KCTD21: variants seen among roughly 807,000 people sequenced by gnomAD.
The protein encoded by KCTD21 is BTB/POZ domain-containing protein KCTD21.
In KCTD21, 9 loss-of-function variants were observed where a neutral mutation model predicts 13.2. That is an observed-to-expected ratio of 0.68 (90% CI 0.41 to 1.19). The LOEUF (loss-of-function observed/expected upper bound fraction) is 1.19. Among genes scored for constraint, KCTD21 ranks in the 50% most tolerant of loss-of-function variants. The pLI, the probability that KCTD21 is intolerant of heterozygous loss-of-function variation, is 0.01. For missense variants in KCTD21, 303 were observed against 336.5 expected (o/e 0.90, Z 0.78); for synonymous variants, 142 against 137.4 (o/e 1.03, Z -0.23).
Position 78,172,765 on chromosome 11 carries a change from C to T in KCTD21, c.*1007G>A, listed in dbSNP as rs1862313466. 6.6e-6 allele frequency: 1 copy of T among 152,484 alleles called. No homozygotes were observed. Among genetic ancestry groups the T allele is most frequent in the Non-Finnish European group, 1.5e-5 (1 of 68,042 alleles). 9.4% of individuals were successfully genotyped at this position (152,484 alleles called of 1,614,324 possible). On this transcript the variant is annotated 3_prime_UTR_variant, in exon 2 of 2. Coordinates refer to ENST00000340067, the MANE Select transcript of KCTD21 (RefSeq NM_001029859.3). ...CTGTCTAACAGTCAGCACTGTCCAACCACAGCAGGAGCTGCCTTGGGGATG... is the reference window on the plus strand; with the variant it reads ...CTGTCTAACAGTCAGCACTGTCCAATCACAGCAGGAGCTGCCTTGGGGATG...
At chr11:78,187,006 T>A in intron 1 of KCTD21, 1 of 985,458 alleles carries the variant, frequency 1.0e-6, no homozygotes, top group Non-Finnish European at 1.2e-6. Context: ...TCAAAACTTT[T>A]TAATTTTGAA....
intron 1 of KCTD21, among the ~76,000 whole-genome samples, chr11:78,183,017 A>G (rs912136101): frequency 2.0e-5 from 3 of 152,190 alleles, no homozygotes; most frequent in East Asian, 3.8e-4. Flanking sequence ...TCATCTATCT[A>G]TCAATCACCT....
rs1438445655 is a variant in KCTD21 at position 78,174,730 on chromosome 11, T to G, written c.-29-147A>C. ...GAATGGGTGATAATTGCTAACACTG[T>G]GCAAAGTACATTAGCTTCACTAGGG... On this transcript the variant is annotated intron_variant, in intron 1 of 1. Coordinates refer to ENST00000340067, the MANE Select transcript of KCTD21 (RefSeq NM_001029859.3). 4 of 590,000 alleles carry G rather than the reference T, an allele frequency of 6.8e-6. No homozygotes were observed. In the East Asian group the frequency reaches 8.5e-5, roughly 13 times the overall value. 36.5% of individuals were successfully genotyped at this position (590,000 alleles called of 1,614,324 possible).
rs1444956648 is a variant in KCTD21, at chr11:78,173,540, G to C, written c.*232C>G. 1 of 520,804 alleles carries C rather than the reference G, an allele frequency of 1.9e-6. No individual in the cohort carries two copies. The highest frequency in any genetic ancestry group is 1.9e-5 in the African/African-American group (1 of 52,532). 32.3% of individuals were successfully genotyped at this position (520,804 alleles called of 1,614,324 possible). ...GTACACATCAGCTGACTCTTCACTT[G>C]TCATAATAAACCGCCTGTCTGCAGC... On this transcript the variant is annotated 3_prime_UTR_variant, in exon 2 of 2. Coordinates refer to ENST00000340067, the MANE Select transcript of KCTD21 (RefSeq NM_001029859.3).
intron 1 of KCTD21, among the ~76,000 whole-genome samples, chr11:78,180,127 G>A (rs921640765): frequency 1.3e-5 from 2 of 152,150 alleles, no homozygotes; most frequent in East Asian, 3.8e-4. Context: ...GAAAATCTTT[G>A]CAACTGTGGA....
At chr11:78,184,870 T>C (rs1359158631) in intron 1 of KCTD21, among the ~76,000 whole-genome samples, 2 of 152,002 alleles carry the variant, frequency 1.3e-5, no homozygotes, top group Non-Finnish European at 2.9e-5. Flanking sequence ...CCCAAGTAGC[T>C]GGGACTACAG....
At chr11:78,180,293 A>G (rs1169970203) in intron 1 of KCTD21, among the ~76,000 whole-genome samples, 1 of 152,224 alleles carries the variant, frequency 6.6e-6, no homozygotes, top group African/African-American at 2.4e-5. Context: ...TTTGCAAAAC[A>G]CCTATCTGAT....
intron 1 of KCTD21, chr11:78,186,617 G>C (rs1397476075): frequency 1.3e-6 from 1 of 788,110 alleles, no homozygotes; most frequent in Non-Finnish European, 1.5e-6. Context: ...TACCGTGCTA[G>C]GCACTCTATA....
chr11:78,186,911 C>T, intron 1 of KCTD21: 3 of 985,472 alleles, frequency 3.0e-6, no homozygotes, highest in Non-Finnish European at 3.6e-6. Flanking sequence ...GTGCCCCTTT[C>T]TATATCCACA....
At position 78,174,363 on chromosome 11, in the gene KCTD21, C is replaced by G. The variant is rs745895495; in HGVS notation, c.192G>C (p.Arg64=). ...CCTCAGGCAGGTCAAGGTGGGAGGT[C>G]CGCAGGAAGTTGAGGATATAGCGGA... is the stretch of plus-strand genomic sequence containing the variant. The part of the protein sequence containing the change: ...KVFRYILNFL[R]TSHLDLPEDF... Residue 64 remains arginine (R), a synonymous_variant, in exon 2 of 2, where the codon CGG becomes CGC. Transcript: ENST00000340067. 30 of 1,614,082 alleles carry G rather than the reference C, an allele frequency of 1.9e-5. No individual in the cohort carries two copies. Among genetic ancestry groups the G allele is most frequent in the South Asian group, 1.8e-4 (16 of 91,062 alleles).
intron 1 of KCTD21, chr11:78,187,262 T>C: frequency 1.0e-6 from 1 of 985,274 alleles, no homozygotes; most frequent in South Asian, 4.7e-5. Flanking sequence ...CTACCCTTTC[T>C]TCACCTCCTC....
intron 1 of KCTD21, among the ~76,000 whole-genome samples, chr11:78,177,160 G>A (rs1862477308): frequency 6.6e-6 from 1 of 152,234 alleles, no homozygotes; most frequent in Non-Finnish European, 1.5e-5. Context: ...TGACTGCACT[G>A]AGGCCTCCTT....
chr11:78,173,657 CAATT>C lies in KCTD21; in HGVS notation c.*111_*114del. The stretch of plus-strand genomic sequence containing the variant: ...ATGGGGGGAATCAAGTCCTGCTACA[CAATT>C]AATACAGATTAGTATAGTCCCCTGC... On this transcript the variant is annotated 3_prime_UTR_variant, in exon 2 of 2. Transcript: ENST00000340067. The C allele has an allele frequency of 1.2e-6, 1 of 862,160 alleles. No homozygotes were observed. The highest frequency in any genetic ancestry group is 1.8e-6 in the Non-Finnish European group (1 of 548,744). 53.4% of individuals were successfully genotyped at this position (862,160 alleles called of 1,614,324 possible).
chr11:78,182,482 C>T lies in KCTD21; in HGVS notation c.-30+6091G>A, dbSNP rs980162389. ...ATTAAACTAGATTATAAAGCAATGA[C>T]ATTTCCCTCTGTGGTTTTAAAACAA... is the stretch of plus-strand genomic sequence containing the variant. On this transcript the variant is annotated intron_variant, in intron 1 of 1. Transcript: ENST00000340067. Among the ~76,000 whole-genome samples the T allele has an allele frequency of 5.3e-5, 8 of 152,272 alleles. No homozygotes were observed. The East Asian group carries it at 1.5e-3, about 29-fold the overall frequency.
In KCTD21 at chr11:78,174,331, TG is replaced by T. The variant is rs757028799; in HGVS notation, c.223del (p.Gln75ArgfsTer18). 9.3e-6 allele frequency: 15 copies of T among 1,613,922 alleles called. No homozygotes were observed. In the South Asian group the frequency reaches 1.5e-4, roughly 17 times the overall value. On this transcript the variant is annotated frameshift_variant, in exon 2 of 2. Coordinates refer to ENST00000340067, the MANE Select transcript of KCTD21 (RefSeq NM_001029859.3). LOFTEE classifies it high-confidence loss of function. ...TSHLDLPEDF[Q>X]EMGLLRREAD... ...CTCCCTGCGGAGCAGCCCCATCTCC[TG>T]GAAGTCCTCAGGCAGGTCAAGGTGG...
chr11:78,177,010 C>G (rs925245517), intron 1 of KCTD21: 13 of 152,206 alleles, frequency 8.5e-5, no homozygotes, highest in Non-Finnish European at 1.5e-4. Flanking sequence ...GAGATCCGGT[C>G]TCAAAAAACA....
chr11:78,174,073 G>C lies in KCTD21; in HGVS notation c.482C>G (p.Ser161Cys), dbSNP rs1431199639. Reference protein sequence around the residue: ...TSCLFLKLLGSKLFYCSNGNL... With the variant: ...TSCLFLKLLGCKLFYCSNGNL... ...GCCATTGGAGCAGTAGAAGAGCTTAGAGCCAAGGAGCTTGAGGAAGAGGCA... is the reference window on the plus strand; with the variant it reads ...GCCATTGGAGCAGTAGAAGAGCTTACAGCCAAGGAGCTTGAGGAAGAGGCA... The change falls in exon 2 of 2, where the codon TCT becomes TGT. Residue 161 changes from serine to cysteine, a missense_variant. By Grantham distance (112) the Ser-to-Cys change is moderately radical. Coordinates refer to ENST00000340067, the MANE Select transcript of KCTD21 (RefSeq NM_001029859.3). 3 of 1,614,186 alleles carry C rather than the reference G, an allele frequency of 1.9e-6. No individual in the cohort carries two copies. The African/African-American group carries it at 4.0e-5, about 22-fold the overall frequency.
rs988772156 is a variant in KCTD21, at chr11:78,171,625, G to A, written c.*2147C>T. Reference sequence around the variant, plus strand: ...GGCTCTCCCAAGTACCCTTGGCCTGGGACAGCTGTCTTTTTTTGGGATGGA... The same window carrying A: ...GGCTCTCCCAAGTACCCTTGGCCTGAGACAGCTGTCTTTTTTTGGGATGGA... On this transcript the variant is annotated 3_prime_UTR_variant, in exon 2 of 2. Coordinates refer to ENST00000340067, the MANE Select transcript of KCTD21 (RefSeq NM_001029859.3). The A allele has an allele frequency of 6.6e-6, 1 of 152,222 alleles. No homozygotes were observed. The highest frequency in any genetic ancestry group is 2.4e-5 in the African/African-American group (1 of 41,436). 9.4% of individuals were successfully genotyped at this position (152,222 alleles called of 1,614,324 possible). A position where few individuals can be genotyped will look rare whatever the true frequency, so the allele number is the denominator to read the frequency against.
intron 1 of KCTD21, chr11:78,176,906 G>C (rs1862466886): frequency 6.6e-6 from 1 of 152,356 alleles, no homozygotes; most frequent in Non-Finnish European, 1.5e-5. Flanking sequence ...CCAACTACTT[G>C]GGAGGCTGAG....
Sources: gnomAD v4.1 joint callset for allele counts (sites outside exome capture counted in the v4.1 genomes callset) on GRCh38, gnomAD v4.1.1 for gene constraint, MANE v1.5 for transcripts, NCBI Gene and HGNC (gene_info 2026-07-23, HGNC 2026-07-21) for gene names.